The following SGCZ variants were observed in gnomAD, a reference collection of about 807,000 sequenced individuals.
SGCZ encodes the protein sarcoglycan zeta, also known as zeta-sarcoglycan.
SGCZ carries 40 observed loss-of-function variants against 41.3 expected under a neutral mutation model. The ratio of observed to expected loss-of-function variants is 0.97; its 90% CI spans 0.75 to 1.26. The LOEUF is 1.26. Ranked by LOEUF, SGCZ falls within the 50% of genes most tolerant of loss-of-function variation. SGCZ has a pLI of 0.00. For missense variants in SGCZ, 552 were observed against 369.8 expected (o/e 1.49, Z -4.04); for synonymous variants, 206 against 137.5 (o/e 1.50, Z -3.49).
In SGCZ at chr8:14,253,757, A is replaced by T. The variant is rs569049466; in HGVS notation, c.337-16078T>A. ...TAGCTTATTCTTGCTTTACAGAACG[A>T]GCTATCTATATTAAAACAGTAGAAA... On this transcript the variant is annotated intron_variant, in intron 3 of 7. Transcript: ENST00000382080. 4.5e-4 allele frequency among the ~76,000 whole-genome samples: 68 copies of T among 152,268 alleles called. 2 individuals carry two copies. The highest frequency in any genetic ancestry group is 1.5e-3 in the African/African-American group (64 of 41,568).
At chr8:14,625,591 GTTT>G (rs956118925) in intron 1 of SGCZ, among the ~76,000 whole-genome samples, 10 of 152,022 alleles carry the variant, frequency 6.6e-5, no homozygotes, top group African/African-American at 2.4e-4. Flanking sequence ...TGTTGTTGTT[GTTT>G]TTGTTTTGTT....
rs188649437 is a variant in SGCZ, at chr8:15,228,402, T to C, written c.39+9183A>G. Among the ~76,000 whole-genome samples, 5 of 152,334 alleles carry C rather than the reference T, an allele frequency of 3.3e-5. No homozygotes were observed. In the East Asian group the frequency reaches 7.7e-4, roughly 24 times the overall value. On this transcript the variant is annotated intron_variant, in intron 1 of 7. Transcript: ENST00000382080. ...GCACAGACCTGATTATTCATGGAAC[T>C]ATGACTGAGGCATCGACTTTAAGAA...
intron 3 of SGCZ, among the ~76,000 whole-genome samples, chr8:14,244,436 G>C (rs1405661684): frequency 6.6e-6 from 1 of 152,172 alleles, no homozygotes; most frequent in Non-Finnish European, 1.5e-5. Context: ...TGCAAAACAA[G>C]TGTTTACTTT....
chr8:14,749,940 G>T (rs980726000), intron 1 of SGCZ, among the ~76,000 whole-genome samples: 4 of 152,098 alleles, frequency 2.6e-5, no homozygotes, highest in Admixed American at 1.3e-4. Context: ...ACACTGCATT[G>T]TTGAACCAAA....
chr8:14,522,030 A>T (rs1342932493), intron 2 of SGCZ, among the ~76,000 whole-genome samples: 1 of 152,124 alleles, frequency 6.6e-6, no homozygotes, highest in Admixed American at 6.6e-5. Context: ...TGATCAAGCG[A>T]TATTTCATCT....
intron 1 of SGCZ, among the ~76,000 whole-genome samples, chr8:14,894,228 T>C (rs1041926606): frequency 1.4e-4 from 22 of 152,100 alleles, no homozygotes; most frequent in African/African-American, 5.1e-4. Flanking sequence ...TGTGTTAGCT[T>C]TCAAAAAAGA....
intron 2 of SGCZ, among the ~76,000 whole-genome samples, chr8:14,435,259 T>G (rs942795672): frequency 6.6e-5 from 10 of 152,206 alleles, no homozygotes; most frequent in Non-Finnish European, 1.3e-4. Flanking sequence ...TCCCTTTGCC[T>G]TGAATGTTCA....
At chr8:14,130,320 A>T (rs1393747558) in intron 5 of SGCZ, among the ~76,000 whole-genome samples, 1 of 151,484 alleles carries the variant, frequency 6.6e-6, no homozygotes, top group Non-Finnish European at 1.5e-5. Context: ...TCAAAATGTC[A>T]GAACTTTTCT....
chr8:14,151,732 C>G (rs1419198740), intron 5 of SGCZ, among the ~76,000 whole-genome samples: 1 of 152,038 alleles, frequency 6.6e-6, no homozygotes, highest in Non-Finnish European at 1.5e-5. Flanking sequence ...CTACAGTAAT[C>G]AGCTGTGATA....
At chr8:15,159,513 G>T (rs929881153) in intron 1 of SGCZ, among the ~76,000 whole-genome samples, 1 of 152,090 alleles carries the variant, frequency 6.6e-6, no homozygotes, top group East Asian at 1.9e-4. Context: ...TGTGGCATCT[G>T]AAGCTACTTC....
chr8:14,238,391 A>C (rs13263601), intron 3 of SGCZ, among the ~76,000 whole-genome samples: 42,976 of 152,158 alleles, frequency 0.28, 6,508 homozygotes, highest in Non-Finnish European at 0.35. Context: ...TACTATAGTA[A>C]CTTATTTTTC....
chr8:14,570,864 G>A (rs1804529563), intron 1 of SGCZ, among the ~76,000 whole-genome samples: 1 of 152,008 alleles, frequency 6.6e-6, no homozygotes, highest in Non-Finnish European at 1.5e-5. Context: ...CTTTCAATCA[G>A]TTAATATATC....
At chr8:15,075,570 C>A (rs1257948215) in intron 1 of SGCZ, among the ~76,000 whole-genome samples, 1 of 152,042 alleles carries the variant, frequency 6.6e-6, no homozygotes, top group South Asian at 2.1e-4. Flanking sequence ...AGTAATGTGA[C>A]CAAAGGCAGA....
chr8:14,608,276 T>C, intron 1 of SGCZ, among the ~76,000 whole-genome samples: 1 of 149,386 alleles, frequency 6.7e-6, no homozygotes, highest in South Asian at 2.1e-4. Flanking sequence ...TTTTTGTAAG[T>C]GTGGTAAATA....
intron 1 of SGCZ, among the ~76,000 whole-genome samples, chr8:14,979,836 G>T (rs1424154966): frequency 4.6e-5 from 7 of 152,190 alleles, no homozygotes; most frequent in Admixed American, 2.0e-4. Flanking sequence ...GATTGAAAAT[G>T]CAGCTTTGTG....
intron 1 of SGCZ, among the ~76,000 whole-genome samples, chr8:15,110,550 A>C (rs987558351): frequency 2.0e-5 from 3 of 152,238 alleles, no homozygotes; most frequent in Non-Finnish European, 4.4e-5. Flanking sequence ...AGTTTCACCA[A>C]AGTGAAATCA....
At chr8:15,187,951 A>AG (rs1025312468) in intron 1 of SGCZ, among the ~76,000 whole-genome samples, 1 of 152,008 alleles carries the variant, frequency 6.6e-6, no homozygotes, top group Admixed American at 6.5e-5. Flanking sequence ...GTGGGTGAGT[A>AG]GGGGGGTGTA....
intron 1 of SGCZ, among the ~76,000 whole-genome samples, chr8:14,603,594 A>T (rs1043178944): frequency 9.2e-5 from 14 of 152,246 alleles, no homozygotes; most frequent in South Asian, 2.1e-4. Context: ...GGGTTTTTTT[A>T]AAATAAAAAT....
chr8:15,083,088 A>G (rs1021376705), intron 1 of SGCZ, among the ~76,000 whole-genome samples: 1 of 152,220 alleles, frequency 6.6e-6, no homozygotes, highest in African/African-American at 2.4e-5. Flanking sequence ...AATATCTACC[A>G]GTACAAGGAG....
Sources: gnomAD v4.1 joint callset for allele counts (sites outside exome capture counted in the v4.1 genomes callset) on GRCh38, gnomAD v4.1.1 for gene constraint, MANE v1.5 for transcripts, NCBI Gene and HGNC (gene_info 2026-07-23, HGNC 2026-07-21) for gene names.